Variants in ACOT11 observed in about 807,000 individuals in gnomAD.
ACOT11 encodes the protein acyl-coenzyme A thioesterase 11.
A neutral mutation model predicts 77.5 loss-of-function variants in ACOT11; 69 were observed. That is an observed-to-expected ratio of 0.89 (90% CI 0.73 to 1.09). The LOEUF (loss-of-function observed/expected upper bound fraction) is 1.09, where lower values mean the gene tolerates loss of function less well. Among genes scored for constraint, ACOT11 ranks in the 50% least tolerant of loss-of-function variants. The pLI is 0.00. For synonymous variants in ACOT11, 279 were observed against 313.0 expected, an observed-to-expected ratio of 0.89 and a Z score of 1.15; for missense variants, 766 against 813.7, an observed-to-expected ratio of 0.94 and a Z score of 0.71.
chr1:54,631,475 T>C (rs1644299526), intron 16 of ACOT11, among the ~76,000 whole-genome samples: 1 of 152,214 alleles, frequency 6.6e-6, no homozygotes, highest in South Asian at 2.1e-4. Flanking sequence ...TGAGCTTGTG[T>C]AACTCCTGCT....
Position 54,594,626 on chromosome 1 carries a change from G to A in ACOT11, c.542G>A (p.Arg181Gln), listed in dbSNP as rs551000440. The stretch of plus-strand genomic sequence containing the variant: ...GAGCACAGTGTGGCGGCTGAGCGCC[G>A]GCGCATGCGCCTTGTCTATGCAGAC... ...KMEHSVAAER[R>Q]RMRLVYADTI... is the part of the protein sequence containing the mutation. Residue 181 changes from arginine to glutamine, a missense_variant, in exon 6 of 16, where the codon CGG becomes CAG. Coordinates refer to ENST00000343744, the MANE Select transcript of ACOT11 (RefSeq NM_147161.4). 96 of 1,614,094 alleles carry A rather than the reference G, an allele frequency of 5.9e-5. 2 individuals are homozygous for A. The South Asian group carries it at 7.7e-4, about 13-fold the overall frequency.
chr1:54,564,788 C>T (rs1166015923), intron 1 of ACOT11, among the ~76,000 whole-genome samples: 3 of 152,178 alleles, frequency 2.0e-5, no homozygotes, highest in Non-Finnish European at 4.4e-5. Flanking sequence ...TCATTCATAA[C>T]ATAGGGATGT....
chr1:54,557,176 A>G (rs1219499794), intron 1 of ACOT11, among the ~76,000 whole-genome samples: 74 of 151,984 alleles, frequency 4.9e-4, no homozygotes, highest in African/African-American at 1.7e-3. Flanking sequence ...GGCAGATCAC[A>G]AGGTCAGGAG....
At chr1:54,567,664 A>G (rs1163435255) in intron 1 of ACOT11, among the ~76,000 whole-genome samples, 1 of 151,966 alleles carries the variant, frequency 6.6e-6, no homozygotes, top group African/African-American at 2.4e-5. Flanking sequence ...CTCCCTCTAC[A>G]CTGCCCGCAG....
rs1347195312 is a variant in ACOT11 at position 54,609,560 on chromosome 1, T to A, written c.*448T>A. ...CATATCTGTGAGCAGCTGTTCCCTG[T>A]AGCCACTGCCCAGCACCTCCTCAGG... On this transcript the variant is annotated 3_prime_UTR_variant, in exon 16 of 16. Coordinates refer to ENST00000343744, the MANE Select transcript of ACOT11 (RefSeq NM_147161.4). 6.2e-7 allele frequency: 1 copy of A among 1,612,776 alleles called. No homozygotes were observed. Among genetic ancestry groups the A allele is most frequent in the South Asian group, 1.1e-5 (1 of 91,046 alleles).
rs550272648 is a variant in ACOT11, at chr1:54,597,518, A to G, written c.764+103A>G. On this transcript the variant is annotated intron_variant, in intron 7 of 15. Transcript: ENST00000343744. ...AACCCCAGCTTGGGGTTGGCATTCA[A>G]GGCTTCAGAAGCTTGGCTGTTCTGA... 19 of 1,376,832 alleles carry G rather than the reference A, an allele frequency of 1.4e-5. No individual in the cohort carries two copies. In the African/African-American group the frequency reaches 2.0e-4, roughly 15 times the overall value. 85.3% of individuals were successfully genotyped at this position (1,376,832 alleles called of 1,614,324 possible). A position where few individuals can be genotyped will look rare whatever the true frequency, so the allele number is the denominator to read the frequency against.
rs116428941 is a variant in ACOT11, at chr1:54,551,339, C to T, written c.33+2997C>T. Among the ~76,000 whole-genome samples the T allele has an allele frequency of 7.5e-3, 1,142 of 152,070 alleles. 12 individuals are homozygous for T. Among genetic ancestry groups the T allele is most frequent in the African/African-American group, 0.026 (1,078 of 41,446 alleles). The stretch of plus-strand genomic sequence containing the variant: ...GAGTTCAAGGGCTCTGGTCCCTACT[C>T]GCCCCTGGGTACCCAGCAAGTGAGT... On this transcript the variant is annotated intron_variant, in intron 1 of 15. Coordinates refer to ENST00000343744, the MANE Select transcript of ACOT11 (RefSeq NM_147161.4).
Position 54,601,257 on chromosome 1 carries a change from C to T in ACOT11, c.885-12C>T, listed in dbSNP as rs1367465192. On this transcript the variant is annotated splice_polypyrimidine_tract_variant and intron_variant, in intron 8 of 15. Coordinates refer to ENST00000343744, the MANE Select transcript of ACOT11 (RefSeq NM_147161.4). ...GTCTGTCCAGGTTGGAAGCCACACT[C>T]CCTCCCCTCAGCATGGAGGTGGGCG... 6.2e-7 allele frequency: 1 copy of T among 1,607,574 alleles called. No homozygotes were observed. The highest frequency in any genetic ancestry group is 1.3e-5 in the African/African-American group (1 of 75,004).
chr1:54,623,811 C>T (rs774956400), intron 15 of ACOT11, among the ~76,000 whole-genome samples: 3 of 152,160 alleles, frequency 2.0e-5, no homozygotes, highest in Non-Finnish European at 2.9e-5. Context: ...CATTTCCTTC[C>T]GTGTAAAAGG....
intron 3 of ACOT11, among the ~76,000 whole-genome samples, chr1:54,589,660 GT>G (rs1330888010): frequency 2.0e-5 from 3 of 151,638 alleles, no homozygotes; most frequent in African/African-American, 7.3e-5. Context: ...TTATTATTTT[GT>G]TTTTTTGTAG....
At chr1:54,606,153 C>T (rs1232688201) in intron 13 of ACOT11, among the ~76,000 whole-genome samples, 1 of 152,188 alleles carries the variant, frequency 6.6e-6, no homozygotes, top group East Asian at 1.9e-4. Flanking sequence ...AAGCCCTGGC[C>T]CAGCTGACTC....
exon 17 of ACOT11, chr1:54,638,682 T>C (rs72668296): frequency 0.21 from 32,647 of 151,938 alleles, 4,411 homozygotes; most frequent in East Asian, 0.35. Flanking sequence ...TTTTTGTTTT[T>C]GGAGGTTTTA....
intron 1 of ACOT11, among the ~76,000 whole-genome samples, chr1:54,574,946 A>T (rs1654055442): frequency 6.6e-6 from 1 of 152,206 alleles, no homozygotes; most frequent in South Asian, 2.1e-4. Flanking sequence ...TTTCATCCAC[A>T]TGCAGCAATT....
chr1:54,598,075 T>C (rs1000329954), intron 7 of ACOT11: 1 of 152,740 alleles, frequency 6.5e-6, no homozygotes, highest in African/African-American at 2.4e-5. Flanking sequence ...CCATGCCCTT[T>C]CCAGCCAGGT....
exon 17 of ACOT11, chr1:54,636,273 CCT>C (rs1440556653): frequency 3.9e-5 from 6 of 152,286 alleles, no homozygotes; most frequent in African/African-American, 1.2e-4. Flanking sequence ...CTGGCACCGG[CCT>C]CTGAGTTCCC....
chr1:54,587,284 G>A (rs909165816), intron 3 of ACOT11, among the ~76,000 whole-genome samples: 10 of 152,060 alleles, frequency 6.6e-5, no homozygotes, highest in Non-Finnish European at 1.2e-4. Flanking sequence ...GGGGGCCTAC[G>A]CGGGTGGATC....
chr1:54,571,072 T>TCTCTCTCTCTCTC (rs574505216), intron 1 of ACOT11, among the ~76,000 whole-genome samples: 21 of 96,446 alleles, frequency 2.2e-4, no homozygotes, highest in African/African-American at 2.0e-3. Flanking sequence ...TCTCTCTCTC[T>TCTCTCTCTCTCTC]TTTTTTTTTT....
intron 1 of ACOT11, among the ~76,000 whole-genome samples, chr1:54,552,207 G>T (rs574560805): frequency 1.3e-5 from 2 of 152,268 alleles, no homozygotes; most frequent in East Asian, 1.9e-4. Context: ...CCATGAAGTT[G>T]ATCCTGACAG....
chr1:54,619,795 C>G, intron 15 of ACOT11: 3 of 1,528,564 alleles, frequency 2.0e-6, no homozygotes, highest in Non-Finnish European at 2.7e-6. Flanking sequence ...GTGTCTGATC[C>G]TCACTTCTCT....
Sources: allele counts gnomAD v4.1 joint callset (sites outside exome capture counted in the v4.1 genomes callset), GRCh38; gene constraint gnomAD v4.1.1; transcripts MANE v1.5; gene names NCBI Gene and HGNC (gene_info 2026-07-23, HGNC 2026-07-21).